ASIC2: variants seen among roughly 807,000 people sequenced by gnomAD.
ASIC2 encodes acid-sensing ion channel 2.
ASIC2 carries 25 observed loss-of-function variants against 57.3 expected under a neutral mutation model. The ratio of observed to expected loss-of-function variants is 0.44; its 90% CI spans 0.32 to 0.61. ASIC2 has a LOEUF of 0.61. ASIC2 is among the 20% of genes least tolerant of loss of function. ASIC2 has a pLI of 0.06. For missense variants in ASIC2, 641 were observed against 738.1 expected, an observed-to-expected ratio of 0.87 and a Z score of 1.52; for synonymous variants, 319 against 307.5, an observed-to-expected ratio of 1.04 and a Z score of -0.39.
chr17:33,059,498 T>G (rs1468207836), intron 3 of ASIC2, among the ~76,000 whole-genome samples: 1 of 152,246 alleles, frequency 6.6e-6, no homozygotes, highest in Admixed American at 6.5e-5. Context: ...CTCATCCTTT[T>G]TTATGGCTGC....
At chr17:33,904,506 A>G (rs1397526165) in intron 1 of ASIC2, among the ~76,000 whole-genome samples, 3 of 152,218 alleles carry the variant, frequency 2.0e-5, no homozygotes, top group Non-Finnish European at 4.4e-5. Context: ...AGGCAGAGCT[A>G]TAGAGTTTGT....
At chr17:33,944,362 A>C (rs1916259266) in intron 1 of ASIC2, among the ~76,000 whole-genome samples, 1 of 152,240 alleles carries the variant, frequency 6.6e-6, no homozygotes, top group South Asian at 2.1e-4. Context: ...GTTTAGCATG[A>C]ACTTTCATAT....
chr17:33,213,584 G>A (rs1035428497), intron 1 of ASIC2, among the ~76,000 whole-genome samples: 1 of 152,198 alleles, frequency 6.6e-6, no homozygotes, highest in East Asian at 1.9e-4. Context: ...CCTAGTTCAG[G>A]TCCTGTTACC....
At chr17:33,880,457 C>A (rs1441618096) in intron 1 of ASIC2, among the ~76,000 whole-genome samples, 1 of 152,006 alleles carries the variant, frequency 6.6e-6, no homozygotes, top group Admixed American at 6.6e-5. Context: ...TATAAACTAC[C>A]ATCAGAGAAT....
chr17:33,913,577 T>A (rs1915514792), intron 1 of ASIC2, among the ~76,000 whole-genome samples: 1 of 152,206 alleles, frequency 6.6e-6, no homozygotes, highest in Admixed American at 6.5e-5. Context: ...TAGCTTGATC[T>A]ACTGAATTAT....
At chr17:33,422,004 T>G (rs896074445) in intron 1 of ASIC2, among the ~76,000 whole-genome samples, 2 of 152,234 alleles carry the variant, frequency 1.3e-5, no homozygotes, top group African/African-American at 4.8e-5. Context: ...TTTTCCCAAC[T>G]GTATCTGCTG....
At chr17:33,183,788 C>G (rs1261966546) in intron 1 of ASIC2, among the ~76,000 whole-genome samples, 3 of 152,196 alleles carry the variant, frequency 2.0e-5, no homozygotes, top group African/African-American at 7.2e-5. Flanking sequence ...ATTTCAAGAT[C>G]TGCATTCCAA....
chr17:33,801,568 A>T (rs778141847), intron 1 of ASIC2, among the ~76,000 whole-genome samples: 35 of 152,098 alleles, frequency 2.3e-4, no homozygotes, highest in Non-Finnish European at 4.1e-4. Context: ...AATCCTCTTC[A>T]ATAAAACAGG....
At chr17:33,253,941 AT>A (rs1908970326) in intron 1 of ASIC2, among the ~76,000 whole-genome samples, 1 of 152,258 alleles carries the variant, frequency 6.6e-6, no homozygotes, top group African/African-American at 2.4e-5. Context: ...GAGTTCTATA[AT>A]TTTGTGGGTT....
At chr17:33,437,000 G>A (rs977773696) in intron 1 of ASIC2, among the ~76,000 whole-genome samples, 1 of 150,992 alleles carries the variant, frequency 6.6e-6, no homozygotes, top group Non-Finnish European at 1.5e-5. Context: ...CGAGTAGCTG[G>A]GACTACAGGC....
intron 1 of ASIC2, among the ~76,000 whole-genome samples, chr17:33,512,175 G>A (rs963301609): frequency 1.3e-5 from 2 of 152,202 alleles, no homozygotes; most frequent in Non-Finnish European, 2.9e-5. Context: ...GGTTCCAGGA[G>A]CTCAGTCTGA....
chr17:33,318,447 C>T (rs1308869181), intron 1 of ASIC2, among the ~76,000 whole-genome samples: 3 of 152,144 alleles, frequency 2.0e-5, no homozygotes, highest in African/African-American at 7.2e-5. Flanking sequence ...TCTTTCACTC[C>T]TAGAAATTGA....
rs115563033 is a variant in ASIC2 at position 34,145,744 on chromosome 17, A to C, written c.555+10234T>G. ...TTCGCTTTTCATGCTAAGCTGTCTGAGTTCTTTCATACGCTCCTCATCGCT... is the reference window on the plus strand; with the variant it reads ...TTCGCTTTTCATGCTAAGCTGTCTGCGTTCTTTCATACGCTCCTCATCGCT... On this transcript the variant is annotated intron_variant, in intron 1 of 9. Coordinates refer to the ASIC2 transcript ENST00000359872. 6.4e-3 allele frequency among the ~76,000 whole-genome samples: 969 copies of C among 152,268 alleles called. 5 individuals carry two copies. Among genetic ancestry groups the C allele is most frequent in the African/African-American group, 0.022 (931 of 41,552 alleles).
At chr17:33,346,358 C>A (rs983621878) in intron 1 of ASIC2, among the ~76,000 whole-genome samples, 1 of 151,442 alleles carries the variant, frequency 6.6e-6, no homozygotes, top group African/African-American at 2.4e-5. Flanking sequence ...GAGGAGAGGG[C>A]AGTGAGTCAG....
chr17:33,577,389 G>T (rs191385134), intron 1 of ASIC2, among the ~76,000 whole-genome samples: 16 of 152,278 alleles, frequency 1.1e-4, no homozygotes, highest in Middle Eastern at 3.4e-3. Flanking sequence ...ATCTCCAGGG[G>T]AGAGGTGTAA....
rs1202211036 is a variant in ASIC2, at chr17:33,443,706, G to A, written c.556-331639C>T. ...GCTGGGATTACAGGCGTGAGCCACCGCGCCCGGCCGGAGGGTAAGATTTTT... is the reference window on the plus strand; with the variant it reads ...GCTGGGATTACAGGCGTGAGCCACCACGCCCGGCCGGAGGGTAAGATTTTT... On this transcript the variant is annotated intron_variant, in intron 1 of 9. Transcript: ENST00000359872. Among the ~76,000 whole-genome samples the A allele has an allele frequency of 5.9e-5, 9 of 151,728 alleles. No homozygotes were observed. The East Asian group carries it at 7.8e-4, about 13-fold the overall frequency.
At chr17:33,123,697 C>T (rs7224279) in intron 1 of ASIC2, among the ~76,000 whole-genome samples, 28,773 of 152,136 alleles carry the variant, frequency 0.19, 2,786 homozygotes, top group East Asian at 0.27. Flanking sequence ...TCGCTTTCCC[C>T]GCGCCTTCCC....
chr17:33,236,039 G>A (rs1460770822), intron 1 of ASIC2, among the ~76,000 whole-genome samples: 3 of 152,080 alleles, frequency 2.0e-5, no homozygotes, highest in Non-Finnish European at 4.4e-5. Context: ...GTTTCACCAC[G>A]TTGGCCAGGA....
chr17:33,106,889 T>C lies in ASIC2; in HGVS notation c.859+5028A>G, dbSNP rs568236706. Among the ~76,000 whole-genome samples the C allele has an allele frequency of 5.9e-5, 9 of 152,306 alleles. No individual in the cohort carries two copies. In the South Asian group the frequency reaches 6.2e-4, roughly 11 times the overall value. ...TATGTGTGTGGGAAAAATAAGCCTG[T>C]TTCTAGTGACAGAATGAAAAGAATT... On this transcript the variant is annotated intron_variant, in intron 2 of 9. Transcript: ENST00000225823.
Sources: allele counts gnomAD v4.1 joint callset (sites outside exome capture counted in the v4.1 genomes callset), GRCh38; gene constraint gnomAD v4.1.1; transcripts MANE v1.5; gene names NCBI Gene and HGNC (gene_info 2026-07-23, HGNC 2026-07-21).